CEP112: variants seen among roughly 807,000 people sequenced by gnomAD.
CEP112 encodes the protein centrosomal protein 112.
Under a neutral mutation model 153.0 loss-of-function variants are expected in CEP112, and 127 were observed. That is an observed-to-expected ratio of 0.83 (90% CI 0.72 to 0.96). CEP112 has a LOEUF of 0.96. Ranked by LOEUF, CEP112 falls within the 40% of genes least tolerant of loss-of-function variation. CEP112 has a pLI of 0.00. For missense variants in CEP112, 1,089 were observed against 1,101.2 expected, an observed-to-expected ratio of 0.99 and a Z score of 0.16; for synonymous variants, 358 against 374.4, an observed-to-expected ratio of 0.96 and a Z score of 0.51.
At chr17:66,149,874 T>G (rs1401747341) in intron 4 of CEP112, among the ~76,000 whole-genome samples, 1 of 81,752 alleles carries the variant, frequency 1.2e-5, no homozygotes, top group South Asian at 5.7e-4. Context: ...TAGGGTTTTT[T>G]TTTTTGTTTG....
chr17:66,076,081 T>C (rs2067482609), intron 8 of CEP112, among the ~76,000 whole-genome samples: 2 of 152,138 alleles, frequency 1.3e-5, no homozygotes, highest in South Asian at 4.1e-4. Flanking sequence ...AAGCAGGCCA[T>C]TCCTGCCTGG....
At chr17:65,745,362 T>C (rs899617049) in intron 22 of CEP112, among the ~76,000 whole-genome samples, 1 of 152,246 alleles carries the variant, frequency 6.6e-6, no homozygotes, top group Non-Finnish European at 1.5e-5. Context: ...TTGTTTCCAT[T>C]CTGGCATCAA....
chr17:65,928,519 A>G lies in CEP112; in HGVS notation c.1873-830T>C, dbSNP rs570915223. On this transcript the variant is annotated intron_variant, in intron 18 of 26. Coordinates refer to ENST00000535342, the MANE Select transcript of CEP112 (RefSeq NM_001199165.4). ...ACATCCAAAAAGAGGAAACCACCCA[A>G]ATATCCATCAGTTGATAAATGAATA... 6.6e-5 allele frequency among the ~76,000 whole-genome samples: 10 copies of G among 152,334 alleles called. No individual in the cohort carries two copies. The East Asian group carries it at 1.2e-3, about 18-fold the overall frequency.
At chr17:65,678,513 AT>A (rs2144181014) in intron 24 of CEP112, among the ~76,000 whole-genome samples, 1 of 152,328 alleles carries the variant, frequency 6.6e-6, no homozygotes, top group East Asian at 1.9e-4. Context: ...TGTCTTAAAA[AT>A]TAAACGAAAA....
intron 4 of CEP112, among the ~76,000 whole-genome samples, chr17:66,168,299 A>T (rs2072068213): frequency 6.6e-6 from 1 of 152,120 alleles, no homozygotes; most frequent in Admixed American, 6.6e-5. Context: ...AAACACATAT[A>T]CACAAACACA....
chr17:65,901,673 A>G (rs1367311273), intron 20 of CEP112, among the ~76,000 whole-genome samples: 1 of 152,076 alleles, frequency 6.6e-6, no homozygotes, highest in East Asian at 1.9e-4. Flanking sequence ...ATTTTTATCA[A>G]TTACCATCTG....
intron 21 of CEP112, among the ~76,000 whole-genome samples, chr17:65,784,343 A>G (rs1434842811): frequency 1.3e-5 from 2 of 152,156 alleles, no homozygotes; most frequent in African/African-American, 2.4e-5. Flanking sequence ...ACCTACCAAA[A>G]CAGTCTTTTA....
intron 8 of CEP112, 94 bp downstream of exon 8, chr17:66,096,157 A>G (rs2068336615): frequency 7.4e-6 from 6 of 815,048 alleles, no homozygotes; most frequent in Non-Finnish European, 1.2e-5. Flanking sequence ...TTCCTAGAAT[A>G]TACCATTATT....
chr17:66,109,092 T>G (rs920831981), intron 6 of CEP112, among the ~76,000 whole-genome samples: 1 of 151,976 alleles, frequency 6.6e-6, no homozygotes, highest in Non-Finnish European at 1.5e-5. Context: ...AGATCGACAG[T>G]AGGATGATGG....
At chr17:66,137,382 TAGAGAA>T (rs2070483484) in intron 4 of CEP112, among the ~76,000 whole-genome samples, 1 of 151,706 alleles carries the variant, frequency 6.6e-6, no homozygotes, top group South Asian at 2.1e-4. Context: ...TTACTAAAGT[TAGAGAA>T]AGAGAAGAGA....
At chr17:65,692,482 C>T (rs1435450974) in intron 23 of CEP112, among the ~76,000 whole-genome samples, 1 of 152,156 alleles carries the variant, frequency 6.6e-6, no homozygotes, top group Non-Finnish European at 1.5e-5. Context: ...CCATCTCAGC[C>T]TCCCAAAGTG....
chr17:65,770,333 C>A (rs2053266697), intron 21 of CEP112, among the ~76,000 whole-genome samples: 1 of 151,826 alleles, frequency 6.6e-6, no homozygotes, highest in African/African-American at 2.4e-5. Flanking sequence ...TACAATGAAT[C>A]TTTAAAGTGC....
At chr17:65,856,868 C>T (rs192387712) in intron 20 of CEP112, among the ~76,000 whole-genome samples, 1 of 151,904 alleles carries the variant, frequency 6.6e-6, no homozygotes. Context: ...TATTTTCACA[C>T]ACCCAATTTT....
chr17:66,053,439 G>A (rs12952418), intron 12 of CEP112, among the ~76,000 whole-genome samples: 62,452 of 151,710 alleles, frequency 0.41, 14,309 homozygotes, highest in East Asian at 0.87. Flanking sequence ...GTGAGCCAAG[G>A]CCATGCCGTT....
intron 23 of CEP112, among the ~76,000 whole-genome samples, chr17:65,705,005 G>T (rs548429139): frequency 1.8e-4 from 27 of 152,292 alleles, no homozygotes; most frequent in Admixed American, 9.2e-4. Context: ...CAACAACAAA[G>T]CATACACGTG....
In CEP112 at chr17:65,685,349, A is replaced by C. The variant is rs1431917086; in HGVS notation, c.2697+3780T>G. Among the ~76,000 whole-genome samples the C allele has an allele frequency of 2.6e-5, 4 of 152,232 alleles. No homozygotes were observed. In the East Asian group the frequency reaches 7.7e-4, roughly 29 times the overall value. On this transcript the variant is annotated intron_variant, in intron 24 of 26. Coordinates refer to ENST00000535342, the MANE Select transcript of CEP112 (RefSeq NM_001199165.4). ...AATGAAAACCAGAAACCATTTAAAC[A>C]TTTTTAAAGCAAGCAAGTTAAAAAA...
intron 19 of CEP112, among the ~76,000 whole-genome samples, chr17:65,921,855 C>G (rs2060740539): frequency 6.6e-6 from 1 of 151,864 alleles, no homozygotes. Flanking sequence ...CTGAGAAAAG[C>G]CTTTGAAGTT....
chr17:65,652,530 C>T (rs1275563063), intron 24 of CEP112, among the ~76,000 whole-genome samples: 4 of 151,520 alleles, frequency 2.6e-5, no homozygotes, highest in South Asian at 4.2e-4. Flanking sequence ...TATATATATT[C>T]CATTTAGCCA....
chr17:65,638,022 T>C (rs547715762), intron 25 of CEP112, among the ~76,000 whole-genome samples: 76 of 152,338 alleles, frequency 5.0e-4, no homozygotes, highest in African/African-American at 1.8e-3. Context: ...CTAGGAAAAT[T>C]ACTTAAGCTC....
Sources: allele counts gnomAD v4.1 joint callset (sites outside exome capture counted in the v4.1 genomes callset), GRCh38; gene constraint gnomAD v4.1.1; transcripts MANE v1.5; gene names NCBI Gene and HGNC (gene_info 2026-07-23, HGNC 2026-07-21).